ITCH: variants seen among roughly 807,000 people sequenced by gnomAD.
The protein encoded by ITCH is E3 ubiquitin-protein ligase Itchy homolog.
In ITCH, 28 loss-of-function variants were observed where a neutral mutation model predicts 126.8. That is an observed-to-expected ratio of 0.22 (90% confidence interval 0.16 to 0.30). ITCH has a LOEUF of 0.30. ITCH is among the 10% of genes least tolerant of loss of function. ITCH has a pLI of 1.00. For synonymous variants in ITCH, 342 were observed against 340.0 expected, an observed-to-expected ratio of 1.01 and a Z score of -0.06; for missense variants, 631 against 1,032.4, an observed-to-expected ratio of 0.61 and a Z score of 5.33.
intron 20 of ITCH, among the ~76,000 whole-genome samples, chr20:34,486,594 T>G (rs983444252): frequency 1.3e-5 from 2 of 151,810 alleles, no homozygotes; most frequent in African/African-American, 4.8e-5. Flanking sequence ...CCAAAGTGCC[T>G]GGATTACAGG....
chr20:34,365,117 C>G (rs2037369241), intron 1 of ITCH, among the ~76,000 whole-genome samples: 1 of 151,934 alleles, frequency 6.6e-6, no homozygotes, highest in Non-Finnish European at 1.5e-5. Context: ...GGGGAATCAC[C>G]TGATTCCGGG....
At chr20:34,387,483 T>G (rs1057075799) in intron 2 of ITCH, among the ~76,000 whole-genome samples, 1 of 151,484 alleles carries the variant, frequency 6.6e-6, no homozygotes, top group South Asian at 2.1e-4. Flanking sequence ...TGTAAAAAAT[T>G]AGATGGGCCT....
At chr20:34,466,620 T>C (rs1364493028) in intron 14 of ITCH, among the ~76,000 whole-genome samples, 1 of 152,174 alleles carries the variant, frequency 6.6e-6, no homozygotes, top group Non-Finnish European at 1.5e-5. Context: ...ATAATAGTGG[T>C]TTATGTAAGA....
At chr20:34,403,205 T>C (rs1375489998) in intron 3 of ITCH, among the ~76,000 whole-genome samples, 5 of 152,204 alleles carry the variant, frequency 3.3e-5, no homozygotes, top group African/African-American at 1.2e-4. Flanking sequence ...CCTTGTTCTC[T>C]GTAGCTTATC....
At chr20:34,489,173 G>GT in intron 20 of ITCH, 93 bp from the exon 21 acceptor site, 1 of 1,102,676 alleles carries the variant, frequency 9.1e-7, no homozygotes, top group Non-Finnish European at 1.3e-6. Flanking sequence ...TATATTTTAA[G>GT]TTTTTTATAA....
chr20:34,502,902 A>G (rs1990351518), intron 23 of ITCH, among the ~76,000 whole-genome samples: 1 of 151,770 alleles, frequency 6.6e-6, no homozygotes, highest in East Asian at 1.9e-4. Context: ...ATCTGTAATC[A>G]CAGCTACTCT....
Position 34,440,336 on chromosome 20 carries a change from G to A in ITCH, c.861G>A (p.Leu287=), listed in dbSNP as rs995460265. The change falls in exon 9 of 25, where the codon TTG becomes TTA. Residue 287 remains leucine (L), a synonymous_variant. Coordinates refer to ENST00000374864, the MANE Select transcript of ITCH (RefSeq NM_031483.7). ...RPLNPVTQAP[L]PPGWEQRVDQ... Reference sequence around the variant, plus strand: ...TAAATCCTGTAACTCAAGCTCCCTTGCCACCTGGGTGAGTAACTTTTTAAA... The same window carrying A: ...TAAATCCTGTAACTCAAGCTCCCTTACCACCTGGGTGAGTAACTTTTTAAA... 5.0e-6 allele frequency: 8 copies of A among 1,613,002 alleles called. No individual in the cohort carries two copies. In the Admixed American group the frequency reaches 5.0e-5, roughly 10 times the overall value.
intron 20 of ITCH, among the ~76,000 whole-genome samples, chr20:34,488,237 G>A (rs908253734): frequency 5.7e-4 from 85 of 148,038 alleles, no homozygotes; most frequent in African/African-American, 1.9e-3. Context: ...GCATCTCTTG[G>A]TGATGCATTT....
intron 3 of ITCH, among the ~76,000 whole-genome samples, chr20:34,405,567 G>A (rs978049418): frequency 6.6e-6 from 1 of 151,998 alleles, no homozygotes; most frequent in Non-Finnish European, 1.5e-5. Flanking sequence ...TTTCCTTCCT[G>A]TCAGCCTTGC....
rs1421783983 is a variant in ITCH at position 34,442,302 on chromosome 20, G to A, written c.964G>A (p.Gly322Ser). ...GGATAGACCAGAACCTCTACCTCCT[G>A]GGTAAGTATCTAAATTTAAAAAGAA... ...TWDRPEPLPP[G>S]WERRVDNMGR... The change falls in exon 10 of 25, where the codon GGC (glycine) becomes AGC (serine). Residue 322 changes from glycine (G) to serine (S), a missense_variant and splice_region_variant. This residue lies in a region of ITCH where 390 missense variants were observed against 731.6 expected (regional missense o/e 0.53). Coordinates refer to ENST00000374864, the MANE Select transcript of ITCH (RefSeq NM_031483.7). 6.3e-7 allele frequency: 1 copy of A among 1,587,432 alleles called. No homozygotes were observed. Among genetic ancestry groups the A allele is most frequent in the Non-Finnish European group, 8.7e-7 (1 of 1,156,010 alleles).
chr20:34,432,498 T>C (rs1982443396), intron 7 of ITCH, among the ~76,000 whole-genome samples: 1 of 152,238 alleles, frequency 6.6e-6, no homozygotes, highest in African/African-American at 2.4e-5. Context: ...CCTGTAATTA[T>C]ATGAAATATT....
intron 20 of ITCH, among the ~76,000 whole-genome samples, chr20:34,487,865 G>C (rs1989238185): frequency 6.6e-6 from 1 of 152,220 alleles, no homozygotes; most frequent in Non-Finnish European, 1.5e-5. Flanking sequence ...CTTGAACCCA[G>C]GTGGCGGAGG....
chr20:34,390,253 A>G (rs957167081), intron 2 of ITCH, among the ~76,000 whole-genome samples: 3 of 152,182 alleles, frequency 2.0e-5, no homozygotes, highest in Admixed American at 6.6e-5. Flanking sequence ...AAATGAAACT[A>G]TAAATTATAG....
chr20:34,483,830 G>C (rs1352596967), intron 20 of ITCH, among the ~76,000 whole-genome samples: 1 of 152,188 alleles, frequency 6.6e-6, no homozygotes, highest in African/African-American at 2.4e-5. Flanking sequence ...AGACATACTT[G>C]AGAGTGGACA....
intron 6 of ITCH, among the ~76,000 whole-genome samples, chr20:34,420,695 C>T (rs980711493): frequency 9.2e-5 from 14 of 151,996 alleles, no homozygotes; most frequent in Non-Finnish European, 1.6e-4. Flanking sequence ...AAACATTCTC[C>T]ATTTGATAAT....
At position 34,444,834 on chromosome 20, in the gene ITCH, G is replaced by A. The variant is rs188473215; in HGVS notation, c.966-453G>A. On this transcript the variant is annotated intron_variant, in intron 10 of 24. Transcript: ENST00000374864. Reference sequence around the variant, plus strand: ...TTTTTGTATTTTTAGTAGAGATGGGGCTTCACCCTGGTGGCCAGGCTGGTC... The same window carrying A: ...TTTTTGTATTTTTAGTAGAGATGGGACTTCACCCTGGTGGCCAGGCTGGTC... Among the ~76,000 whole-genome samples, 11 of 152,262 alleles carry A rather than the reference G, an allele frequency of 7.2e-5. No individual in the cohort carries two copies. In the East Asian group the frequency reaches 2.1e-3, roughly 29 times the overall value.
chr20:34,504,777 A>G (rs760051553), intron 24 of ITCH, among the ~76,000 whole-genome samples: 61 of 152,328 alleles, frequency 4.0e-4, no homozygotes, highest in Admixed American at 7.2e-4. Flanking sequence ...GACAGCAAAT[A>G]TATTAATATT....
At chr20:34,378,243 G>T (rs765054525) in intron 2 of ITCH, among the ~76,000 whole-genome samples, 24 of 152,076 alleles carry the variant, frequency 1.6e-4, no homozygotes, top group Non-Finnish European at 2.9e-4. Flanking sequence ...GGCCAAGGCG[G>T]GAGGATCACC....
chr20:34,477,028 A>G (rs185656181), intron 16 of ITCH, among the ~76,000 whole-genome samples: 16 of 152,164 alleles, frequency 1.1e-4, no homozygotes, highest in African/African-American at 3.9e-4. Context: ...GCCGCTGAGA[A>G]TGAGTTTCCA....
Sources: gnomAD v4.1 joint callset for allele counts (sites outside exome capture counted in the v4.1 genomes callset) on GRCh38, gnomAD v4.1.1 for gene constraint, gnomAD v4.1.1 regional missense constraint, MANE v1.5 for transcripts, NCBI Gene and HGNC (gene_info 2026-07-23, HGNC 2026-07-21) for gene names.